Variants in WRN observed in about 807,000 individuals in gnomAD.
WRN encodes the protein WRN RecQ like helicase, also known as bifunctional 3'-5' exonuclease/ATP-dependent helicase WRN.
WRN carries 149 observed loss-of-function variants against 180.7 expected under a neutral mutation model. The observed-to-expected ratio is 0.82, with a 90% confidence interval of 0.72 to 0.94. The LOEUF is 0.94. Among genes scored for constraint, WRN ranks in the 40% least tolerant of loss-of-function variants. The probability of loss-of-function intolerance (pLI) is 0.00; values close to 1 mark genes in which losing one functional copy is unlikely to be tolerated. For synonymous variants in WRN, 548 were observed against 568.9 expected (o/e 0.96, Z 0.52); for missense variants, 1,661 against 1,700.1 (o/e 0.98, Z 0.40).
At chr8:31,044,447 C>A (rs1027506461) in intron 1 of WRN, among the ~76,000 whole-genome samples, 3 of 148,692 alleles carry the variant, frequency 2.0e-5, no homozygotes, top group African/African-American at 7.4e-5. Flanking sequence ...ACCTCCACCT[C>A]CCAGGTTCAA....
In WRN at chr8:31,076,423, T is replaced by C. The variant is rs563281957; in HGVS notation, c.839+136T>C. 1.3e-3 allele frequency: 880 copies of C among 697,350 alleles called. 4 individuals are homozygous for C. The highest frequency in any genetic ancestry group is 2.0e-3 in the Non-Finnish European group (807 of 403,708). The allele number at this position is 697,350 out of a possible 1,614,324, so 43.2% of individuals were successfully genotyped here. A position where few individuals can be genotyped will look rare whatever the true frequency, so the allele number is the denominator to read the frequency against. On this transcript the variant is annotated intron_variant, in intron 8 of 34. Coordinates refer to ENST00000298139, the MANE Select transcript of WRN (RefSeq NM_000553.6). ...GCTTGAATACACACACACAGACTGA[T>C]GCATAAATTTGAGAAATATCTTTCC...
chr8:31,081,153 G>A lies in WRN; in HGVS notation c.1126G>A (p.Asp376Asn), dbSNP rs1473761243. Residue 376 changes from aspartate to asparagine, a missense_variant, in exon 9 of 35, where the codon GAT becomes AAT. By Grantham distance (23) the Asp-to-Asn change is conservative. This residue lies in a region of WRN where 500 missense variants were observed against 504.1 expected (regional missense o/e 0.99). Transcript: ENST00000298139. ...GGAACGAAAAGAAGATGGATTTGAA[G>A]ATGGAGTAGAAGACAACAAATTGAA... ...KVERKEDGFEDGVEDNKLKEN... is the reference protein window; with the variant it reads ...KVERKEDGFENGVEDNKLKEN... 6.2e-7 allele frequency: 1 copy of A among 1,613,942 alleles called. No individual in the cohort carries two copies.
intron 7 of WRN, among the ~76,000 whole-genome samples, chr8:31,075,465 A>C (rs1477029678): frequency 1.3e-5 from 2 of 151,998 alleles, no homozygotes; most frequent in Non-Finnish European, 2.9e-5. Context: ...TAATCCCAGC[A>C]CTTTGGGAGG....
chr8:31,140,990 C>T (rs183513625), intron 24 of WRN, among the ~76,000 whole-genome samples: 25 of 152,118 alleles, frequency 1.6e-4, no homozygotes, highest in Admixed American at 1.4e-3. Flanking sequence ...CTCCTGACCT[C>T]GTGATCTGCC....
intron 1 of WRN, among the ~76,000 whole-genome samples, chr8:31,050,509 C>CTTT (rs60531883): frequency 1.1e-4 from 14 of 133,154 alleles, no homozygotes; most frequent in African/African-American, 3.6e-4. Context: ...GTTTTGGATA[C>CTTT]TTTTTTTTTT....
Position 31,175,083 on chromosome 8 carries a change from G to A in WRN, c.*1981G>A, listed in dbSNP as rs770660883. On this transcript the variant is annotated 3_prime_UTR_variant, in exon 35 of 35. Coordinates refer to ENST00000298139, the MANE Select transcript of WRN (RefSeq NM_000553.6). ...TATATAAAGATTTTTTCTGTGTTTC[G>A]AAGATCCGTATAACTCAGTGAATCA... Among the ~76,000 whole-genome samples, 14 of 151,740 alleles carry A rather than the reference G, an allele frequency of 9.2e-5. No individual in the cohort carries two copies. The highest frequency in any genetic ancestry group is 6.2e-4 in the South Asian group (3 of 4,808).
chr8:31,169,798 T>C (rs2553256), intron 34 of WRN, among the ~76,000 whole-genome samples: 56,742 of 151,826 alleles, frequency 0.37, 10,959 homozygotes, highest in East Asian at 0.58. Flanking sequence ...CTGCTTGGTT[T>C]TGATTTAACC....
At chr8:31,062,171 T>C (rs1168744318) in intron 3 of WRN, among the ~76,000 whole-genome samples, 2 of 152,326 alleles carry the variant, frequency 1.3e-5, no homozygotes, top group East Asian at 3.9e-4. Flanking sequence ...TGTTGTCTAG[T>C]ATCTGAAACA....
chr8:31,098,427 C>T (rs182691404), intron 17 of WRN, among the ~76,000 whole-genome samples: 3 of 152,136 alleles, frequency 2.0e-5, no homozygotes, highest in Admixed American at 2.0e-4. Flanking sequence ...GTAGTTAGAA[C>T]TCTCTATTTT....
At chr8:31,163,127 C>T (rs1008609574) in intron 33 of WRN, among the ~76,000 whole-genome samples, 2 of 152,198 alleles carry the variant, frequency 1.3e-5, no homozygotes, top group Non-Finnish European at 2.9e-5. Flanking sequence ...CATGCGTGCT[C>T]ATTCACACTA....
intron 34 of WRN, chr8:31,171,172 C>T (rs1260161700): frequency 6.6e-6 from 1 of 152,150 alleles, no homozygotes; most frequent in Non-Finnish European, 1.5e-5. Flanking sequence ...GTCTGTGCTA[C>T]TCCATGGTAT....
chr8:31,084,143 C>T (rs1342370937), intron 10 of WRN, among the ~76,000 whole-genome samples: 1 of 151,988 alleles, frequency 6.6e-6, no homozygotes, highest in Non-Finnish European at 1.5e-5. Context: ...GGATTATGGG[C>T]GTGCACCACC....
At chr8:31,121,354 T>C (rs537270097) in intron 21 of WRN, among the ~76,000 whole-genome samples, 3 of 152,058 alleles carry the variant, frequency 2.0e-5, no homozygotes, top group South Asian at 4.1e-4. Flanking sequence ...CATTAAACAA[T>C]GTGTTTTTGA....
At chr8:31,059,348 G>A (rs1303476789) in intron 3 of WRN, 83 bp downstream of exon 3, 4 of 1,104,454 alleles carry the variant, frequency 3.6e-6, no homozygotes, top group Admixed American at 1.7e-5. Context: ...AATATACTGA[G>A]TTTTACAGGT....
intron 30 of WRN, among the ~76,000 whole-genome samples, chr8:31,149,573 C>T (rs1263970164): frequency 2.3e-5 from 3 of 132,828 alleles, no homozygotes; most frequent in Non-Finnish European, 3.1e-5. Context: ...CTCCTGGGTT[C>T]AAGCAATTCT....
At chr8:31,048,461 C>G (rs1409700589) in intron 1 of WRN, among the ~76,000 whole-genome samples, 3 of 152,094 alleles carry the variant, frequency 2.0e-5, no homozygotes, top group African/African-American at 7.2e-5. Flanking sequence ...ATGATATCTT[C>G]TGCAATAAAC....
chr8:31,143,642 C>A lies in WRN; in HGVS notation c.3383+19C>A. 1 of 1,527,140 alleles carries A rather than the reference C, an allele frequency of 6.5e-7. No individual in the cohort carries two copies. Among genetic ancestry groups the A allele is most frequent in the East Asian group, 2.3e-5 (1 of 44,180 alleles). 94.6% of individuals were successfully genotyped at this position (1,527,140 alleles called of 1,614,324 possible). ...AAAAAAGGTACAGAGTTCCATATTT[C>A]TATGTTCTATACTTGCTTTATGAGT... is the stretch of plus-strand genomic sequence containing the variant. On this transcript the variant is annotated intron_variant, in intron 28 of 34. Coordinates refer to ENST00000298139, the MANE Select transcript of WRN (RefSeq NM_000553.6).
intron 1 of WRN, among the ~76,000 whole-genome samples, chr8:31,055,927 A>G (rs139075844): frequency 2.0e-5 from 3 of 152,344 alleles, no homozygotes; most frequent in African/African-American, 4.8e-5. Flanking sequence ...TTATTCCACA[A>G]CATTAATGTT....
intron 24 of WRN, among the ~76,000 whole-genome samples, chr8:31,136,682 T>A (rs192239667): frequency 3.9e-5 from 6 of 152,112 alleles, no homozygotes; most frequent in Admixed American, 2.6e-4. Context: ...TAAAAAAAAA[T>A]TTAAAAATTA....
Sources: gnomAD v4.1 joint callset for allele counts (sites outside exome capture counted in the v4.1 genomes callset) on GRCh38, gnomAD v4.1.1 for gene constraint, gnomAD v4.1.1 regional missense constraint, MANE v1.5 for transcripts, NCBI Gene and HGNC (gene_info 2026-07-23, HGNC 2026-07-21) for gene names.